The following CD38 variants were observed in gnomAD, a reference collection of about 807,000 sequenced individuals.
The protein encoded by CD38 is ADP-ribosyl cyclase/cyclic ADP-ribose hydrolase 1.
Under a neutral mutation model 36.3 loss-of-function variants are expected in CD38, and 31 were observed. The ratio of observed to expected loss-of-function variants is 0.85; its 90% CI spans 0.64 to 1.15. The LOEUF (loss-of-function observed/expected upper bound fraction) is 1.15. CD38 is among the 50% of genes most tolerant of loss of function. The probability of loss-of-function intolerance (pLI) is 0.00; values close to 1 mark genes in which losing one functional copy is unlikely to be tolerated. For missense variants in CD38, 380 were observed against 371.9 expected (o/e 1.02, Z -0.18); for synonymous variants, 131 against 135.2 (o/e 0.97, Z 0.22).
chr4:15,847,090 C>T (rs1456823599), intron 7 of CD38, among the ~76,000 whole-genome samples: 1 of 17,148 alleles, frequency 5.8e-5, no homozygotes, highest in Non-Finnish European at 8.6e-5. Context: ...AATCATGCTG[C>T]TATAAAGACA....
rs113268979 is a variant in CD38, at chr4:15,802,817, T to C, written c.234-13694T>C. ...GCCTCAGCCTCCCAAAGTGCTGGTATTACAGGCATGAGCCTCTGCTCCTAG... is the reference window on the plus strand; with the variant it reads ...GCCTCAGCCTCCCAAAGTGCTGGTACTACAGGCATGAGCCTCTGCTCCTAG... On this transcript the variant is annotated intron_variant, in intron 1 of 7. Transcript: ENST00000226279. Among the ~76,000 whole-genome samples the C allele has an allele frequency of 7.6e-3, 1,163 of 152,278 alleles. 17 individuals are homozygous for C. Among genetic ancestry groups the C allele is most frequent in the African/African-American group, 0.026 (1,100 of 41,554 alleles).
intron 1 of CD38, among the ~76,000 whole-genome samples, chr4:15,812,296 T>C (rs981338055): frequency 2.6e-5 from 4 of 152,218 alleles, no homozygotes; most frequent in Non-Finnish European, 5.9e-5. Context: ...CATTTCCATA[T>C]GAATTTTAAG....
At chr4:15,827,334 A>C (rs1723870571) in intron 3 of CD38, among the ~76,000 whole-genome samples, 1 of 152,088 alleles carries the variant, frequency 6.6e-6, no homozygotes, top group Non-Finnish European at 1.5e-5. Flanking sequence ...TGCCACCCAG[A>C]AATGCAGAAA....
intron 3 of CD38, among the ~76,000 whole-genome samples, chr4:15,832,625 C>A (rs986264647): frequency 7.9e-5 from 12 of 152,164 alleles, no homozygotes; most frequent in Admixed American, 3.3e-4. Context: ...TCTGTTCTGA[C>A]CCACATAAAG....
intron 1 of CD38, among the ~76,000 whole-genome samples, chr4:15,790,913 TGA>T (rs1722963155): frequency 6.7e-6 from 1 of 148,542 alleles, no homozygotes; most frequent in East Asian, 2.0e-4. Flanking sequence ...CCGCCCCGTC[TGA>T]GAGGTGAGGA....
intron 1 of CD38, among the ~76,000 whole-genome samples, chr4:15,795,108 G>A (rs1723079735): frequency 6.6e-6 from 1 of 152,068 alleles, no homozygotes; most frequent in Non-Finnish European, 1.5e-5. Context: ...GATTAGGTCA[G>A]AAAACCACAA....
chr4:15,822,559 G>A (rs1160240280), intron 2 of CD38, among the ~76,000 whole-genome samples: 1 of 152,052 alleles, frequency 6.6e-6, no homozygotes, highest in African/African-American at 2.4e-5. Flanking sequence ...CACGCAAGCA[G>A]AGAGCCAAAT....
chr4:15,821,634 G>A (rs1723736981), intron 2 of CD38, among the ~76,000 whole-genome samples: 1 of 144,828 alleles, frequency 6.9e-6, no homozygotes, highest in African/African-American at 2.6e-5. Context: ...CCAGGAAGAA[G>A]TTGAGTTCCT....
intron 1 of CD38, among the ~76,000 whole-genome samples, chr4:15,786,259 C>T (rs996911705): frequency 3.3e-5 from 5 of 152,192 alleles, no homozygotes; most frequent in African/African-American, 1.2e-4. Context: ...CTTATCTGGC[C>T]CCACCCACAT....
intron 2 of CD38, among the ~76,000 whole-genome samples, chr4:15,823,844 T>C (rs1723789990): frequency 6.6e-6 from 1 of 152,130 alleles, no homozygotes; most frequent in Non-Finnish European, 1.5e-5. Context: ...TATAAAGATA[T>C]GTGCATGCAT....
intron 1 of CD38, among the ~76,000 whole-genome samples, chr4:15,781,864 A>C (rs933615484): frequency 3.3e-5 from 5 of 152,212 alleles, no homozygotes; most frequent in South Asian, 2.1e-4. Flanking sequence ...CATAATAAAC[A>C]ACCACCCTAA....
intron 1 of CD38, among the ~76,000 whole-genome samples, chr4:15,812,665 A>C (rs1161532797): frequency 6.6e-6 from 1 of 152,218 alleles, no homozygotes. Context: ...GCACCATTGC[A>C]CTCTAGCCTG....
At chr4:15,791,622 A>G (rs1359066137) in intron 1 of CD38, among the ~76,000 whole-genome samples, 494 of 15,590 alleles carry the variant, frequency 0.032, 1 homozygote, top group Non-Finnish European at 0.037. Flanking sequence ...TCCGGGAGGG[A>G]GGTGGGGGGG....
chr4:15,822,594 G>C (rs966467794), intron 2 of CD38, among the ~76,000 whole-genome samples: 3 of 150,990 alleles, frequency 2.0e-5, no homozygotes, highest in Non-Finnish European at 4.5e-5. Context: ...CATTCACAAA[G>C]GGAATAAAAT....
Position 15,778,659 on chromosome 4 carries a change from A to C in CD38, c.233+12A>C. On this transcript the variant is annotated intron_variant, in intron 1 of 7. Coordinates refer to ENST00000226279, the MANE Select transcript of CD38 (RefSeq NM_001775.4). This position sits in a 1 kb window ranked among gnomAD's most constrained non-coding sequence, Gnocchi z 4.9. ...CATCCTGAGATGAGGTGGGTTGGCG[A>C]CTAAGGCGCACCGGTGGGCACTGCG... 6.4e-7 allele frequency: 1 copy of C among 1,573,652 alleles called. No homozygotes were observed. Among genetic ancestry groups the C allele is most frequent in the South Asian group, 1.1e-5 (1 of 90,264 alleles).
Position 15,778,566 on chromosome 4 carries a change from G to C in CD38, c.152G>C (p.Ser51Thr). 1 of 1,613,534 alleles carries C rather than the reference G, an allele frequency of 6.2e-7. No homozygotes were observed. Reference sequence around the variant, plus strand: ...GTCCCGAGGTGGCGCCAGCAGTGGAGCGGTCCGGGCACCACCAAGCGCTTT... The same window carrying C: ...GTCCCGAGGTGGCGCCAGCAGTGGACCGGTCCGGGCACCACCAAGCGCTTT... ...VVVPRWRQQW[S>T]GPGTTKRFPE... Residue 51 changes from serine to threonine, a missense_variant, in exon 1 of 8, where the codon AGC (serine) becomes ACC (threonine). By Grantham distance (58) the Ser-to-Thr change is moderately conservative. Transcript: ENST00000226279. This position sits in a 1 kb window ranked among gnomAD's most constrained non-coding sequence, Gnocchi z 4.9.
intron 4 of CD38, among the ~76,000 whole-genome samples, chr4:15,835,479 G>A (rs1352160156): frequency 7.1e-6 from 1 of 141,012 alleles, no homozygotes; most frequent in Non-Finnish European, 1.5e-5. Flanking sequence ...CTAAGTTCAA[G>A]CGATTCTCCT....
chr4:15,831,608 A>G (rs372959340), intron 3 of CD38, among the ~76,000 whole-genome samples: 6 of 152,104 alleles, frequency 3.9e-5, no homozygotes, highest in African/African-American at 1.4e-4. Flanking sequence ...ATGTCATGCC[A>G]CTCTCATCTG....
intron 3 of CD38, among the ~76,000 whole-genome samples, chr4:15,828,795 C>T (rs1723901882): frequency 6.6e-6 from 1 of 152,136 alleles, no homozygotes; most frequent in African/African-American, 2.4e-5. Context: ...GCAGGTATCT[C>T]TTTGACAAAC....
Sources: gnomAD v4.1 joint callset for allele counts (sites outside exome capture counted in the v4.1 genomes callset) on GRCh38, gnomAD v4.1.1 for gene constraint, Gnocchi (gnomAD v3.1) non-coding constraint, MANE v1.5 for transcripts, NCBI Gene and HGNC (gene_info 2026-07-23, HGNC 2026-07-21) for gene names.